The following DMD variants were observed in gnomAD, a reference collection of about 807,000 sequenced individuals.
The protein encoded by DMD is mutant dystrophin.
A neutral mutation model predicts 330.1 loss-of-function variants in DMD; 63 were observed. The ratio of observed to expected loss-of-function variants is 0.19; its 90% confidence interval spans 0.16 to 0.24. The LOEUF (loss-of-function observed/expected upper bound fraction) is 0.24. Ranked by LOEUF, DMD falls within the 10% of genes least tolerant of loss-of-function variation. The pLI is 1.00. For synonymous variants in DMD, 1,223 were observed against 959.8 expected, an observed-to-expected ratio of 1.27 and a Z score of -5.07; for missense variants, 3,344 against 2,684.1, an observed-to-expected ratio of 1.25 and a Z score of -5.43.
intron 7 of DMD, among the ~76,000 whole-genome samples, chrX:32,714,992 T>G (rs1002306406): frequency 9.0e-6 from 1 of 111,409 alleles, no homozygotes; most frequent in Non-Finnish European, 1.9e-5. Flanking sequence ...GTAAAAATTC[T>G]GAATACAACA....
chrX:32,307,159 G>A (rs2097543467), intron 42 of DMD, among the ~76,000 whole-genome samples: 1 of 111,327 alleles, frequency 9.0e-6, no homozygotes, highest in South Asian at 3.7e-4. Flanking sequence ...GACAAGGGAT[G>A]TCTTTGGGAA....
intron 44 of DMD, among the ~76,000 whole-genome samples, chrX:32,017,832 A>G (rs1006913133): frequency 8.9e-6 from 1 of 112,060 alleles, no homozygotes; most frequent in Non-Finnish European, 1.9e-5. Flanking sequence ...TTGGAAAGTG[A>G]CAGAATGTTT....
intron 44 of DMD, among the ~76,000 whole-genome samples, chrX:32,093,059 C>T (rs989272975): frequency 2.7e-5 from 3 of 110,828 alleles, no homozygotes; most frequent in Admixed American, 9.6e-5. Flanking sequence ...TGCTCATTGG[C>T]GCTAACATTA....
chrX:32,572,329 A>T (rs2052514989), intron 15 of DMD, among the ~76,000 whole-genome samples: 1 of 111,860 alleles, frequency 8.9e-6, no homozygotes, highest in Admixed American at 9.5e-5. Context: ...TTATTGCATT[A>T]TTATGAAGTA....
At chrX:33,067,327 T>C (rs148400383) in intron 1 of DMD, among the ~76,000 whole-genome samples, 1,138 of 112,162 alleles carry the variant, frequency 0.01, 30 homozygotes, top group Admixed American at 0.067. Context: ...AAAGCCTTAA[T>C]AGAAATAAAT....
At chrX:33,101,401 G>A (rs1232550691) in intron 1 of DMD, among the ~76,000 whole-genome samples, 1 of 112,281 alleles carries the variant, frequency 8.9e-6, no homozygotes. Context: ...GCCGAGGCAC[G>A]CGGATCACCT....
At chrX:31,787,513 C>G (rs2091363481) in intron 50 of DMD, among the ~76,000 whole-genome samples, 1 of 112,064 alleles carries the variant, frequency 8.9e-6, no homozygotes, top group African/African-American at 3.2e-5. Context: ...TTTTACACTC[C>G]TTGGGTATAT....
intron 9 of DMD, among the ~76,000 whole-genome samples, chrX:32,668,758 T>A (rs1229863656): frequency 1.2e-5 from 1 of 85,784 alleles, no homozygotes; most frequent in East Asian, 3.1e-4. Context: ...ACTTGAAAGA[T>A]TTTTTTTTTT....
Position 32,734,714 on chromosome X carries a change from A to G in DMD, c.650-35421T>C, listed in dbSNP as rs369638231. 2.0e-4 allele frequency among the ~76,000 whole-genome samples: 22 copies of G among 109,756 alleles called. 2 individuals carry two copies. Among genetic ancestry groups the G allele is most frequent in the Admixed American group, 1.7e-3 (18 of 10,324 alleles). ...AAAAGGCCTTTGACAAAATTCAACA[A>G]CCCTTCATGCTAAAAACTCTCAGTA... On this transcript the variant is annotated intron_variant, in intron 7 of 78. Coordinates refer to ENST00000357033, the MANE Select transcript of DMD (RefSeq NM_004006.3).
intron 5 of DMD, 55 bp downstream of exon 5, chrX:32,823,240 A>T (rs2078423294): frequency 9.7e-7 from 1 of 1,026,376 alleles, no homozygotes; most frequent in African/African-American, 1.9e-5. Context: ...AAGGGTAAAA[A>T]TTAAAAAACA....
At chrX:31,735,742 G>A (rs957660677) in intron 51 of DMD, among the ~76,000 whole-genome samples, 2 of 111,758 alleles carry the variant, frequency 1.8e-5, no homozygotes, top group African/African-American at 6.5e-5. Flanking sequence ...CAAGCCACCA[G>A]GAATCCTTAA....
chrX:31,556,259 C>T (rs187409438), intron 55 of DMD, among the ~76,000 whole-genome samples: 57 of 104,498 alleles, frequency 5.5e-4, no homozygotes, highest in African/African-American at 1.9e-3. Context: ...ACCAGCTGCT[C>T]GGGAGGCTGA....
chrX:33,228,415 T>C (rs2052330153), intron 1 of DMD, among the ~76,000 whole-genome samples: 1 of 108,863 alleles, frequency 9.2e-6, no homozygotes, highest in South Asian at 3.9e-4. Context: ...TCTGAGGTAA[T>C]ACCTTCAGGA....
intron 16 of DMD, among the ~76,000 whole-genome samples, chrX:32,558,938 CTTTTTTTTTTTTTTTTTTT>C (rs60739281): frequency 2.0e-5 from 1 of 50,828 alleles, no homozygotes; most frequent in African/African-American, 1.0e-4. Context: ...TTCAAATTTT[CTTTTTTTTTTTTTTTTTTT>C]TTTTTTTTTT....
intron 13 of DMD, among the ~76,000 whole-genome samples, chrX:32,584,686 C>T (rs1261590040): frequency 8.9e-6 from 1 of 112,053 alleles, no homozygotes; most frequent in Non-Finnish European, 1.9e-5. Flanking sequence ...ATAAAAGTTT[C>T]ATTTACATCA....
intron 50 of DMD, among the ~76,000 whole-genome samples, chrX:31,786,720 C>A (rs2091318680): frequency 9.0e-6 from 1 of 111,608 alleles, no homozygotes; most frequent in Non-Finnish European, 1.9e-5. Context: ...CTGCATTTCT[C>A]CCTGGTGCCT....
At chrX:31,560,442 T>C (rs1427980375) in intron 55 of DMD, among the ~76,000 whole-genome samples, 2 of 112,134 alleles carry the variant, frequency 1.8e-5, no homozygotes, top group Admixed American at 1.9e-4. Flanking sequence ...TATCATACCT[T>C]GGCTAAGGTA....
At chrX:31,453,476 A>C (rs1364996856) in intron 59 of DMD, among the ~76,000 whole-genome samples, 3 of 110,400 alleles carry the variant, frequency 2.7e-5, no homozygotes, top group African/African-American at 9.9e-5. Context: ...TTATCGTTGA[A>C]TAGACATAGA....
intron 77 of DMD, among the ~76,000 whole-genome samples, chrX:31,128,313 CT>C (rs2034012459): frequency 8.9e-6 from 1 of 111,776 alleles, no homozygotes; most frequent in Admixed American, 9.5e-5. Context: ...TATATACACA[CT>C]TTTGGTATTT....
Sources: allele counts gnomAD v4.1 joint callset (sites outside exome capture counted in the v4.1 genomes callset), GRCh38; gene constraint gnomAD v4.1.1; transcripts MANE v1.5; gene names NCBI Gene and HGNC (gene_info 2026-07-23, HGNC 2026-07-21).